Variants in MORC2 observed in about 807,000 individuals in gnomAD.
MORC2 encodes MORC family CW-type zinc finger 2.
In MORC2, 30 loss-of-function variants were observed where a neutral mutation model predicts 136.0. The ratio of observed to expected loss-of-function variants is 0.22; its 90% CI spans 0.17 to 0.30. The LOEUF is 0.30. Ranked by LOEUF, MORC2 falls within the 10% of genes least tolerant of loss-of-function variation. The probability of loss-of-function intolerance (pLI) is 1.00; values close to 1 mark genes in which losing one functional copy is unlikely to be tolerated. For missense variants in MORC2, 922 were observed against 1,333.1 expected, an observed-to-expected ratio of 0.69 and a Z score of 4.80; for synonymous variants, 439 against 487.0, an observed-to-expected ratio of 0.90 and a Z score of 1.30.
rs560463081 is a variant in MORC2 at position 30,952,669 on chromosome 22, T to TA, written c.158-2225dup. ...GACAGCATTGACTTCTTCAACTTTGTAAACAGACAGTGTGGTCTCTTCACC... is the reference window on the plus strand; with the variant it reads ...GACAGCATTGACTTCTTCAACTTTGTAAAACAGACAGTGTGGTCTCTTCACC... On this transcript the variant is annotated intron_variant, in intron 3 of 25. Transcript: ENST00000397641. 6.6e-5 allele frequency among the ~76,000 whole-genome samples: 10 copies of TA among 152,362 alleles called. 1 individual carries two copies. The South Asian group carries it at 2.1e-3, about 32-fold the overall frequency.
At chr22:30,935,462 A>C in intron 17 of MORC2, 140 bp from the exon 18 acceptor site, 31 of 749,702 alleles carry the variant, frequency 4.1e-5, no homozygotes, top group Non-Finnish European at 5.9e-5. Context: ...TCCTGTTCTC[A>C]TTGGGGAGAC....
At chr22:30,933,858 G>A (rs2040612775) in intron 20 of MORC2, among the ~76,000 whole-genome samples, 1 of 152,136 alleles carries the variant, frequency 6.6e-6, no homozygotes, top group Non-Finnish European at 1.5e-5. Context: ...GAGAGTCCTT[G>A]AGAGATCACT....
intron 24 of MORC2, among the ~76,000 whole-genome samples, chr22:30,929,293 T>G (rs2040537542): frequency 1.3e-5 from 2 of 152,218 alleles, no homozygotes; most frequent in Non-Finnish European, 2.9e-5. Flanking sequence ...TAACTGTAGA[T>G]TCACATATAA....
intron 3 of MORC2, among the ~76,000 whole-genome samples, chr22:30,953,876 A>C (rs1032319729): frequency 6.6e-6 from 1 of 152,188 alleles, no homozygotes; most frequent in Non-Finnish European, 1.5e-5. Context: ...ATGGTCTTTA[A>C]ATGTGACTTT....
chr22:30,954,134 T>C (rs1205592994), intron 3 of MORC2, among the ~76,000 whole-genome samples: 1 of 151,980 alleles, frequency 6.6e-6, no homozygotes, highest in Non-Finnish European at 1.5e-5. Flanking sequence ...TGAAAAAATA[T>C]ATATACAAAA....
At chr22:30,939,324 A>C (rs145058132) in intron 12 of MORC2, among the ~76,000 whole-genome samples, 4 of 152,356 alleles carry the variant, frequency 2.6e-5, no homozygotes, top group African/African-American at 9.6e-5. Flanking sequence ...TTCAAGTTTC[A>C]TACAATGAGC....
chr22:30,938,537 C>T lies in MORC2; in HGVS notation c.1074-332G>A, dbSNP rs997495769. On this transcript the variant is annotated intron_variant, in intron 12 of 25. Transcript: ENST00000397641. Reference sequence around the variant, plus strand: ...GAATAAACACCAGGTTATCGTCATACCTTCCCCAAAATTCCACTAGTATGA... The same window carrying T: ...GAATAAACACCAGGTTATCGTCATATCTTCCCCAAAATTCCACTAGTATGA... Among the ~76,000 whole-genome samples the T allele has an allele frequency of 2.0e-5, 3 of 152,160 alleles. No homozygotes were observed. In the East Asian group the frequency reaches 5.8e-4, roughly 29 times the overall value.
intron 2 of MORC2, among the ~76,000 whole-genome samples, chr22:30,957,687 T>C (rs952953001): frequency 1.3e-5 from 2 of 152,188 alleles, no homozygotes; most frequent in East Asian, 1.9e-4. Flanking sequence ...TCAAACACAG[T>C]TCCATTAACC....
chr22:30,932,289 A>G lies in MORC2; in HGVS notation c.2841+70T>C. Reference sequence around the variant, plus strand: ...CAAGCGTAACAATCATAATCACAACAGTTACAACAAATGCAGGGGCAGGGG... The same window carrying G: ...CAAGCGTAACAATCATAATCACAACGGTTACAACAAATGCAGGGGCAGGGG... On this transcript the variant is annotated intron_variant, in intron 24 of 25. Transcript: ENST00000397641. This position sits in a 1 kb window ranked among gnomAD's most constrained non-coding sequence, Gnocchi z 4.4. 3.9e-6 allele frequency: 5 copies of G among 1,284,902 alleles called. No homozygotes were observed. Among genetic ancestry groups the G allele is most frequent in the Non-Finnish European group, 5.5e-6 (5 of 903,768 alleles). The allele number at this position is 1,284,902 out of a possible 1,614,324, so 79.6% of individuals were successfully genotyped here.
chr22:30,934,493 A>C lies in MORC2; in HGVS notation c.2193+288T>G, dbSNP rs1443489236. Reference sequence around the variant, plus strand: ...CAGCCCACTCAGGCTATCTGTCACCAGATGACTGACCTAAGCCCACACTTC... The same window carrying C: ...CAGCCCACTCAGGCTATCTGTCACCCGATGACTGACCTAAGCCCACACTTC... On this transcript the variant is annotated intron_variant, in intron 19 of 25. Coordinates refer to ENST00000397641, the MANE Select transcript of MORC2 (RefSeq NM_001303256.3). The surrounding 1 kb of genome is among the most constrained non-coding windows in gnomAD (Gnocchi z 4.4). Among the ~76,000 whole-genome samples the C allele has an allele frequency of 6.6e-6, 1 of 152,230 alleles. No homozygotes were observed. The highest frequency in any genetic ancestry group is 1.5e-5 in the Non-Finnish European group (1 of 68,054).
chr22:30,960,425 G>A (rs1569203994), intron 1 of MORC2, among the ~76,000 whole-genome samples: 2 of 152,190 alleles, frequency 1.3e-5, no homozygotes, highest in Non-Finnish European at 2.9e-5. Context: ...CTAGGAAATA[G>A]AGTTCAAATT....
At position 30,935,019 on chromosome 22, in the gene MORC2, T is replaced by C. The variant is rs774005231; in HGVS notation, c.1955A>G (p.Lys652Arg). 6.2e-7 allele frequency: 1 copy of C among 1,613,804 alleles called. No homozygotes were observed. The highest frequency in any genetic ancestry group is 1.1e-5 in the South Asian group (1 of 91,034). ...CTCCCGGGCTGCCAAAGCAGGGAGC[T>C]TTGGGGTACTGCTGATGACAGGAGC... ...RKAPVISSTPKLPALAAREEA... is the reference protein window; with the variant it reads ...RKAPVISSTPRLPALAAREEA... Residue 652 changes from lysine (K) to arginine (R), a missense_variant, in exon 19 of 26, where the codon AAG becomes AGG. Lys to Arg is a conservative substitution (Grantham distance 26). Around this residue, in one of 9 missense-constraint regions of MORC2, gnomAD observed 184 missense variants for 180.3 expected, o/e 1.02. Coordinates refer to ENST00000397641, the MANE Select transcript of MORC2 (RefSeq NM_001303256.3).
chr22:30,936,395 G>A (rs537188812), intron 17 of MORC2, 116 bp downstream of exon 17: 3 of 1,421,538 alleles, frequency 2.1e-6, no homozygotes, highest in East Asian at 2.3e-5. Context: ...GGCAAACAAC[G>A]CGGGTGAGTG....
At position 30,932,304 on chromosome 22, in the gene MORC2, AGGGGCAGGGGT is replaced by A; in HGVS notation, c.2841+44_2841+54del. The A allele has an allele frequency of 7.2e-7, 1 of 1,394,576 alleles. No homozygotes were observed. Among genetic ancestry groups the A allele is most frequent in the East Asian group, 2.3e-5 (1 of 43,692 alleles). The allele number at this position is 1,394,576 out of a possible 1,614,324, so 86.4% of individuals were successfully genotyped here. On this transcript the variant is annotated intron_variant, in intron 24 of 25. Transcript: ENST00000397641. The surrounding 1 kb of genome is among the most constrained non-coding windows in gnomAD (Gnocchi z 4.4). Reference sequence around the variant, plus strand: ...TAATCACAACAGTTACAACAAATGCAGGGGCAGGGGTGGGGGAATGAAGAGTGTGGAATCGA... The same window carrying A: ...TAATCACAACAGTTACAACAAATGCAGGGGGAATGAAGAGTGTGGAATCGA...
chr22:30,936,842 G>A (rs150502942), intron 16 of MORC2, 90 bp downstream of exon 16: 1 of 1,351,218 alleles, frequency 7.4e-7, no homozygotes, highest in Non-Finnish European at 1.0e-6. Flanking sequence ...GCAAGACAGA[G>A]ATGTAAGGTA....
chr22:30,935,449 ACCT>A, intron 17 of MORC2, 127 bp from the exon 18 acceptor site: 1 of 864,998 alleles, frequency 1.2e-6, no homozygotes, highest in Admixed American at 2.4e-5. Context: ...ACTCTTACAA[ACCT>A]CCTGTTCTCA....
chr22:30,927,963 C>A, intron 25 of MORC2, 56 bp downstream of exon 25: 1 of 1,596,446 alleles, frequency 6.3e-7, no homozygotes, highest in Non-Finnish European at 8.6e-7. Flanking sequence ...GGGCCCAGGC[C>A]CCCCTCCCTG....
At chr22:30,936,704 T>TC in intron 16 of MORC2, 61 bp from the exon 17 acceptor site, 1 of 1,587,922 alleles carries the variant, frequency 6.3e-7, no homozygotes, top group Non-Finnish European at 8.6e-7. Flanking sequence ...GGCAAGGACC[T>TC]TTCTCTTCAG....
rs376197429 is a variant in MORC2, at chr22:30,932,529, C to T, written c.2747+16G>A. The T allele has an allele frequency of 6.2e-7, 1 of 1,613,748 alleles. No homozygotes were observed. On this transcript the variant is annotated intron_variant, in intron 23 of 25. Coordinates refer to ENST00000397641, the MANE Select transcript of MORC2 (RefSeq NM_001303256.3). The surrounding 1 kb of genome is among the most constrained non-coding windows in gnomAD (Gnocchi z 4.4). ...TGCTGCTGGCCCTGGGGTGGGAAGACAAAAGACACATGTACCGGAGGATCT... is the reference window on the plus strand; with the variant it reads ...TGCTGCTGGCCCTGGGGTGGGAAGATAAAAGACACATGTACCGGAGGATCT...
Sources: allele counts gnomAD v4.1 joint callset (sites outside exome capture counted in the v4.1 genomes callset), GRCh38; gene constraint gnomAD v4.1.1; regional missense constraint gnomAD v4.1.1; non-coding constraint Gnocchi (gnomAD v3.1); transcripts MANE v1.5; gene names NCBI Gene and HGNC (gene_info 2026-07-23, HGNC 2026-07-21).